KHDRBS3: variants seen among roughly 807,000 people sequenced by gnomAD.
The protein encoded by KHDRBS3 is KH RNA binding domain containing, signal transduction associated 3.
In KHDRBS3, 23 loss-of-function variants were observed where a neutral mutation model predicts 45.6. The observed-to-expected ratio is 0.50, with a 90% CI of 0.36 to 0.72. KHDRBS3 has a LOEUF of 0.72. Among genes scored for constraint, KHDRBS3 ranks in the 30% least tolerant of loss-of-function variants. The pLI, the probability that KHDRBS3 is intolerant of heterozygous loss-of-function variation, is 0.00. For synonymous variants in KHDRBS3, 162 were observed against 156.5 expected (o/e 1.04, Z -0.26); for missense variants, 352 against 424.8 (o/e 0.83, Z 1.51).
At chr8:135,577,858 C>G in intron 5 of KHDRBS3, among the ~76,000 whole-genome samples, 1 of 152,162 alleles carries the variant, frequency 6.6e-6, no homozygotes, top group East Asian at 1.9e-4. Context: ...GCATTCCAGG[C>G]AGGAATGAGA....
intron 1 of KHDRBS3, among the ~76,000 whole-genome samples, chr8:135,496,286 G>A (rs1823444474): frequency 6.6e-6 from 1 of 151,806 alleles, no homozygotes; most frequent in African/African-American, 2.4e-5. Context: ...AGGCTGGAGT[G>A]CAGTGGTGTG....
chr8:135,519,217 C>T (rs1384410321), intron 1 of KHDRBS3, among the ~76,000 whole-genome samples: 2 of 152,174 alleles, frequency 1.3e-5, no homozygotes, highest in Non-Finnish European at 1.5e-5. Context: ...CCCATCTCAT[C>T]GCTCTTAATC....
intron 2 of KHDRBS3, among the ~76,000 whole-genome samples, chr8:135,536,249 T>TG (rs1825747511): frequency 8.8e-6 from 1 of 113,106 alleles, no homozygotes; most frequent in African/African-American, 6.0e-5. Flanking sequence ...TTTTTTTTTT[T>TG]TTTTTTTTTT....
chr8:135,530,245 C>T (rs1825405190), intron 2 of KHDRBS3, among the ~76,000 whole-genome samples: 1 of 152,084 alleles, frequency 6.6e-6, no homozygotes, highest in South Asian at 2.1e-4. Flanking sequence ...TTGGATATTA[C>T]TATACTGATT....
downstream of KHDRBS3, chr8:135,647,904 T>A (rs1831354672): frequency 6.6e-6 from 1 of 152,236 alleles, no homozygotes; most frequent in Non-Finnish European, 1.5e-5. Context: ...ACTACTGGAT[T>A]TTCTGAAAAA....
chr8:135,486,511 C>G (rs1451631337), intron 1 of KHDRBS3, among the ~76,000 whole-genome samples: 2 of 152,174 alleles, frequency 1.3e-5, no homozygotes, highest in Non-Finnish European at 2.9e-5. Flanking sequence ...TCTTCATTTT[C>G]TAAGTGAAAA....
chr8:135,570,494 T>C (rs1489390035), intron 5 of KHDRBS3, among the ~76,000 whole-genome samples: 1 of 152,204 alleles, frequency 6.6e-6, no homozygotes, highest in African/African-American at 2.4e-5. Flanking sequence ...CCAATCAATA[T>C]TAAAAAGTCC....
chr8:135,513,411 A>G (rs1348382433), intron 1 of KHDRBS3, among the ~76,000 whole-genome samples: 2 of 152,112 alleles, frequency 1.3e-5, no homozygotes, highest in African/African-American at 2.4e-5. Context: ...TAAAAACCCT[A>G]TGGGGGGCAG....
chr8:135,469,679 C>T (rs1041570455), intron 1 of KHDRBS3, among the ~76,000 whole-genome samples: 4 of 152,198 alleles, frequency 2.6e-5, no homozygotes, highest in Admixed American at 2.6e-4. Flanking sequence ...CAGGCATGTG[C>T]CACTATTCCC....
intron 7 of KHDRBS3, among the ~76,000 whole-genome samples, chr8:135,607,612 G>A (rs1829523666): frequency 6.6e-6 from 1 of 152,192 alleles, no homozygotes; most frequent in Non-Finnish European, 1.5e-5. Flanking sequence ...TTACCTTGAT[G>A]TTCATTGATA....
At chr8:135,631,119 C>T (rs890477502) in intron 7 of KHDRBS3, among the ~76,000 whole-genome samples, 1 of 151,916 alleles carries the variant, frequency 6.6e-6, no homozygotes, top group Non-Finnish European at 1.5e-5. Context: ...GGTGTGATGA[C>T]GTGCACCTGT....
At chr8:135,609,365 G>C (rs1829615900) in intron 7 of KHDRBS3, among the ~76,000 whole-genome samples, 1 of 150,576 alleles carries the variant, frequency 6.6e-6, no homozygotes, top group Non-Finnish European at 1.5e-5. Context: ...CGTGATCTCA[G>C]CTCACTGCAA....
chr8:135,465,889 T>G (rs1159374451), intron 1 of KHDRBS3, among the ~76,000 whole-genome samples: 1 of 152,224 alleles, frequency 6.6e-6, no homozygotes, highest in Non-Finnish European at 1.5e-5. Context: ...GTTTTCGATA[T>G]ATATCTTACA....
At chr8:135,594,801 G>C (rs1471698815) in intron 6 of KHDRBS3, among the ~76,000 whole-genome samples, 3 of 152,292 alleles carry the variant, frequency 2.0e-5, no homozygotes, top group African/African-American at 7.2e-5. Flanking sequence ...AATGTACACT[G>C]CTCCAGCCAC....
intron 1 of KHDRBS3, among the ~76,000 whole-genome samples, chr8:135,514,584 T>C (rs10875375): frequency 0.98 from 149,222 of 152,338 alleles, 73,093 homozygotes; most frequent in African/African-American, 0.99. Context: ...AGTAGTTTAA[T>C]GTGCATAGGG....
intron 1 of KHDRBS3, among the ~76,000 whole-genome samples, chr8:135,513,146 G>A (rs1156895369): frequency 6.6e-6 from 1 of 151,970 alleles, no homozygotes; most frequent in East Asian, 1.9e-4. Context: ...CTTGCAGTGA[G>A]CCGAGATTGC....
intron 7 of KHDRBS3, among the ~76,000 whole-genome samples, chr8:135,629,818 C>T (rs1453571770): frequency 2.6e-5 from 4 of 152,176 alleles, no homozygotes; most frequent in Non-Finnish European, 1.5e-5. Context: ...GAATACTTCG[C>T]CTGATAGGAG....
intron 2 of KHDRBS3, among the ~76,000 whole-genome samples, chr8:135,528,010 A>T (rs964616782): frequency 2.6e-5 from 4 of 152,152 alleles, no homozygotes; most frequent in Non-Finnish European, 4.4e-5. Flanking sequence ...TTGTACTGTG[A>T]TTGTGATTCT....
intron 1 of KHDRBS3, among the ~76,000 whole-genome samples, chr8:135,503,195 G>A (rs1823820124): frequency 6.6e-6 from 1 of 152,212 alleles, no homozygotes; most frequent in Non-Finnish European, 1.5e-5. Flanking sequence ...AAATATACTT[G>A]TGTATAATAT....
Sources: gnomAD v4.1 joint callset for allele counts (sites outside exome capture counted in the v4.1 genomes callset) on GRCh38, gnomAD v4.1.1 for gene constraint, MANE v1.5 for transcripts, NCBI Gene and HGNC (gene_info 2026-07-23, HGNC 2026-07-21) for gene names.